Variants in OLR1 observed in about 807,000 individuals in gnomAD.
The protein encoded by OLR1 is oxidized low density lipoprotein receptor 1, also known as oxidized low-density lipoprotein receptor 1.
A neutral mutation model predicts 31.7 loss-of-function variants in OLR1; 23 were observed. The ratio of observed to expected loss-of-function variants is 0.72; its 90% CI spans 0.52 to 1.03. The LOEUF (loss-of-function observed/expected upper bound fraction) is 1.03, where lower values mean the gene tolerates loss of function less well. Ranked by LOEUF, OLR1 falls within the 50% of genes least tolerant of loss-of-function variation. The probability of loss-of-function intolerance (pLI) is 0.00; values close to 1 mark genes in which losing one functional copy is unlikely to be tolerated. For missense variants in OLR1, 286 were observed against 315.7 expected, an observed-to-expected ratio of 0.91 and a Z score of 0.71; for synonymous variants, 117 against 115.8, an observed-to-expected ratio of 1.01 and a Z score of -0.07.
chr12:10,165,487 C>A (rs2137512319), intron 3 of OLR1, among the ~76,000 whole-genome samples: 1 of 151,856 alleles, frequency 6.6e-6, no homozygotes, highest in African/African-American at 2.4e-5. Context: ...AATAATGCCA[C>A]AGAGTGAGCT....
intron 3 of OLR1, among the ~76,000 whole-genome samples, chr12:10,164,855 C>A (rs985982949): frequency 5.3e-5 from 8 of 152,182 alleles, no homozygotes; most frequent in Admixed American, 1.3e-4. Context: ...CTTTAGACGG[C>A]TAAAATTAAC....
At chr12:10,172,657 G>A (rs1004281575), upstream of OLR1, among the ~76,000 whole-genome samples, 2 of 152,112 alleles carry the variant, frequency 1.3e-5, no homozygotes, top group African/African-American at 4.8e-5. Context: ...GAATTTATCT[G>A]GGGCTACTAG....
At chr12:10,167,198 C>G (rs1948670272) in intron 2 of OLR1, 2 of 381,188 alleles carry the variant, frequency 5.2e-6, no homozygotes, top group South Asian at 5.8e-5. Context: ...AAGATTTTGG[C>G]CAGGCACGGT....
chr12:10,161,138 C>G (rs1460750870), intron 3 of OLR1, among the ~76,000 whole-genome samples: 1 of 152,072 alleles, frequency 6.6e-6, no homozygotes, highest in Non-Finnish European at 1.5e-5. Flanking sequence ...CCGCGCCCTG[C>G]CCACACTACT....
At chr12:10,167,715 T>C (rs1948674554) in intron 2 of OLR1, 1 of 152,226 alleles carries the variant, frequency 6.6e-6, no homozygotes, top group Non-Finnish European at 1.5e-5. Flanking sequence ...ACACCCCTTT[T>C]TTGAGACAGC....
chr12:10,170,255 G>A (rs1023096378), intron 1 of OLR1: 1 of 152,156 alleles, frequency 6.6e-6, no homozygotes, highest in Non-Finnish European at 1.5e-5. Context: ...CTCCACAAAT[G>A]ATAAAAAGAA....
rs1269917294 is a variant in OLR1 at position 10,158,736 on chromosome 12, C to T, written c.*1144G>A. The T allele has an allele frequency of 6.6e-6, 1 of 151,462 alleles. No individual in the cohort carries two copies. Among genetic ancestry groups the T allele is most frequent in the Non-Finnish European group, 1.5e-5 (1 of 67,946 alleles). The allele number at this position is 151,462 out of a possible 1,614,324, so 9.4% of individuals were successfully genotyped here. A position where few individuals can be genotyped will look rare whatever the true frequency, so the allele number is the denominator to read the frequency against. On this transcript the variant is annotated 3_prime_UTR_variant, in exon 6 of 6. Transcript: ENST00000309539. ...TCAGTTTATTTTATGTTAATTATATCTCAATAAAGCTTTTAACAAAAGCAA... is the reference window on the plus strand; with the variant it reads ...TCAGTTTATTTTATGTTAATTATATTTCAATAAAGCTTTTAACAAAAGCAA...
At chr12:10,162,222 GTACTCTGGTC>G (rs1343637492) in intron 3 of OLR1, among the ~76,000 whole-genome samples, 1 of 151,952 alleles carries the variant, frequency 6.6e-6, no homozygotes. Context: ...GGGAAACAAA[GTACTCTGGTC>G]TACACTACAA....
Position 10,159,811 on chromosome 12 carries a change from G to T in OLR1, c.*69C>A. ...GGGCTCTCATGTTTGGCACCCAAGTGACAAAGAATAGCTTAAATTCCAGAA... is the reference window on the plus strand; with the variant it reads ...GGGCTCTCATGTTTGGCACCCAAGTTACAAAGAATAGCTTAAATTCCAGAA... On this transcript the variant is annotated 3_prime_UTR_variant, in exon 6 of 6. Transcript: ENST00000309539. 6.8e-7 allele frequency: 1 copy of T among 1,480,352 alleles called. No homozygotes were observed. The highest frequency in any genetic ancestry group is 9.1e-7 in the Non-Finnish European group (1 of 1,100,332). 91.7% of individuals were successfully genotyped at this position (1,480,352 alleles called of 1,614,324 possible).
rs761012790 is a variant in OLR1, at chr12:10,160,903, G to C, written c.447C>G (p.Ile149Met). Residue 149 changes from isoleucine (I) to methionine (M), a missense_variant, in exon 4 of 6, where the codon ATC (isoleucine) becomes ATG (methionine). Ile to Met is a conservative substitution (Grantham distance 10). Transcript: ENST00000309539. Reference sequence around the variant, plus strand: ...ATAGGTAACAGTTTTCTCCATGCCAGATCCAGTCTTGCGGACAAGGAGCTG... The same window carrying C: ...ATAGGTAACAGTTTTCTCCATGCCACATCCAGTCTTGCGGACAAGGAGCTG... ...NCSAPCPQDW[I>M]WHGENCYLFS... 4 of 1,614,102 alleles carry C rather than the reference G, an allele frequency of 2.5e-6. No homozygotes were observed. The South Asian group carries it at 4.4e-5, about 18-fold the overall frequency.
chr12:10,161,056 A>T, intron 3 of OLR1, 131 bp from the exon 4 acceptor site: 1 of 988,548 alleles, frequency 1.0e-6, no homozygotes, highest in South Asian at 1.8e-5. Flanking sequence ...TTGTTTTTGT[A>T]TTTTTAGTAG....
At chr12:10,161,815 A>AT (rs577032432) in intron 3 of OLR1, among the ~76,000 whole-genome samples, 3 of 152,016 alleles carry the variant, frequency 2.0e-5, no homozygotes, top group Non-Finnish European at 2.9e-5. Flanking sequence ...TTTTATACTG[A>AT]TTAGTATTGA....
At position 10,160,839 on chromosome 12, in the gene OLR1, T is replaced by C. The variant is rs756870922; in HGVS notation, c.511A>G (p.Lys171Glu). The C allele has an allele frequency of 6.2e-7, 1 of 1,614,172 alleles. No homozygotes were observed. Among genetic ancestry groups the C allele is most frequent in the South Asian group, 1.1e-5 (1 of 91,090 alleles). ...GSFNWEKSQE[K>E]CLSLDAKLLK... ...AACTTGGCATCCAAAGACAAGCACT[T>C]CTCTTGGCTCTTTTCCCAGTTAAAT... Residue 171 changes from lysine (K) to glutamate (E), a missense_variant, in exon 4 of 6, where the codon AAG (lysine) becomes GAG (glutamate). Transcript: ENST00000309539.
At chr12:10,170,466 G>A (rs902999517) in intron 1 of OLR1, 6 of 151,546 alleles carry the variant, frequency 4.0e-5, no homozygotes, top group African/African-American at 1.5e-4. Context: ...CCACATTGTA[G>A]GGCATCAGAT....
intron 3 of OLR1, among the ~76,000 whole-genome samples, chr12:10,161,129 C>T (rs1001948462): frequency 5.9e-5 from 9 of 151,958 alleles, no homozygotes; most frequent in Non-Finnish European, 1.0e-4. Context: ...CGTGAGACAC[C>T]GCGCCCTGCC....
chr12:10,160,927 T>A lies in OLR1; in HGVS notation c.425-2A>T. 5 of 1,613,874 alleles carry A rather than the reference T, an allele frequency of 3.1e-6. No individual in the cohort carries two copies. Among genetic ancestry groups the A allele is most frequent in the Non-Finnish European group, 4.2e-6 (5 of 1,179,738 alleles). ...AGATCCAGTCTTGCGGACAAGGAGC[T>A]GGGAAGGATAGTATATCTCATCAGT... On this transcript the variant is annotated splice_acceptor_variant, in intron 3 of 5. Transcript: ENST00000309539. LOFTEE classifies it high-confidence loss of function.
In OLR1 at chr12:10,159,434, CCTT is replaced by C. The variant is rs1197427842; in HGVS notation, c.*443_*445del. ...TTCTTGATTTCGGAATGGCCTCTGT[CCTT>C]CTTTGTTTCTTCACGTGCACTTTTT... On this transcript the variant is annotated 3_prime_UTR_variant, in exon 6 of 6. Coordinates refer to ENST00000309539, the MANE Select transcript of OLR1 (RefSeq NM_002543.4). The C allele has an allele frequency of 1.3e-5, 2 of 155,908 alleles. No individual in the cohort carries two copies. Among genetic ancestry groups the C allele is most frequent in the African/African-American group, 2.4e-5 (1 of 41,446 alleles). The allele number at this position is 155,908 out of a possible 1,614,324, so 9.7% of individuals were successfully genotyped here. A position where few individuals can be genotyped will look rare whatever the true frequency, so the allele number is the denominator to read the frequency against.
intron 2 of OLR1, 196 bp from the exon 3 acceptor site, chr12:10,167,153 C>T (rs1425690786): frequency 1.8e-6 from 1 of 551,336 alleles, no homozygotes; most frequent in Non-Finnish European, 3.1e-6. Context: ...ATGTCAGGAA[C>T]ATTGCAAACA....
intron 1 of OLR1, chr12:10,170,831 C>T (rs965662192): frequency 2.0e-5 from 3 of 152,100 alleles, no homozygotes; most frequent in African/African-American, 7.2e-5. Flanking sequence ...AAAAGAAAAT[C>T]ACAGGACCCT....
Sources: allele counts gnomAD v4.1 joint callset (sites outside exome capture counted in the v4.1 genomes callset), GRCh38; gene constraint gnomAD v4.1.1; transcripts MANE v1.5; gene names NCBI Gene and HGNC (gene_info 2026-07-23, HGNC 2026-07-21).